The following ELMO1 variants were observed in gnomAD, a reference collection of about 807,000 sequenced individuals.
ELMO1 encodes the protein engulfment and cell motility protein 1.
A neutral mutation model predicts 98.9 loss-of-function variants in ELMO1; 26 were observed. The observed-to-expected ratio is 0.26, with a 90% CI of 0.19 to 0.36. The LOEUF is 0.36. Ranked by LOEUF, ELMO1 falls within the 10% of genes least tolerant of loss-of-function variation. ELMO1 has a pLI of 1.00. For missense variants in ELMO1, 627 were observed against 935.2 expected, an observed-to-expected ratio of 0.67 and a Z score of 4.30; for synonymous variants, 346 against 346.0, an observed-to-expected ratio of 1.00 and a Z score of 0.00.
chr7:36,997,084 G>C (rs1004223918), intron 16 of ELMO1, among the ~76,000 whole-genome samples: 2 of 151,974 alleles, frequency 1.3e-5, no homozygotes, highest in African/African-American at 4.8e-5. Context: ...GATTTAGGAA[G>C]ACCAATTAAA....
intron 1 of ELMO1, among the ~76,000 whole-genome samples, chr7:37,398,207 A>C (rs534228901): frequency 3.0e-4 from 46 of 152,304 alleles, no homozygotes; most frequent in African/African-American, 1.1e-3. Context: ...TACACATTTC[A>C]TTATGACTGT....
chr7:37,192,920 TTATA>T (rs202164965), intron 13 of ELMO1, among the ~76,000 whole-genome samples: 6,939 of 144,738 alleles, frequency 0.048, 231 homozygotes, highest in African/African-American at 0.078. Flanking sequence ...ATTTTATATA[TTATA>T]TATAATTTAT....
At chr7:36,959,602 G>C (rs1187709135) in intron 16 of ELMO1, among the ~76,000 whole-genome samples, 1 of 152,184 alleles carries the variant, frequency 6.6e-6, no homozygotes, top group Non-Finnish European at 1.5e-5. Flanking sequence ...TCCCTTGTCT[G>C]ACTGAGGGAA....
intron 8 of ELMO1, among the ~76,000 whole-genome samples, chr7:37,227,297 C>G: frequency 6.6e-6 from 1 of 152,342 alleles, no homozygotes; most frequent in East Asian, 1.9e-4. Flanking sequence ...AATTTACCCC[C>G]TGAATTAGTT....
At chr7:36,926,982 T>A (rs1474209036) in intron 16 of ELMO1, among the ~76,000 whole-genome samples, 1 of 152,218 alleles carries the variant, frequency 6.6e-6, no homozygotes, top group African/African-American at 2.4e-5. Context: ...ATGGGAATTG[T>A]CTCTTGGTGA....
intron 15 of ELMO1, among the ~76,000 whole-genome samples, chr7:37,072,897 T>G (rs766919598): frequency 6.6e-6 from 1 of 152,240 alleles, no homozygotes; most frequent in Non-Finnish European, 1.5e-5. Context: ...AGACAATACC[T>G]TGAACTCTCA....
chr7:37,366,028 G>A (rs1248708911), intron 1 of ELMO1, among the ~76,000 whole-genome samples: 5 of 152,182 alleles, frequency 3.3e-5, no homozygotes, highest in Admixed American at 2.6e-4. Context: ...CCACCAAGGA[G>A]GTTCCCAAGT....
intron 8 of ELMO1, among the ~76,000 whole-genome samples, chr7:37,227,612 C>T (rs1342556799): frequency 6.6e-6 from 1 of 152,154 alleles, no homozygotes; most frequent in African/African-American, 2.4e-5. Context: ...TATCGAACTC[C>T]TGACCTCAAG....
At chr7:37,234,460 T>C (rs760614362) in intron 7 of ELMO1, among the ~76,000 whole-genome samples, 34 of 152,164 alleles carry the variant, frequency 2.2e-4, no homozygotes, top group Non-Finnish European at 4.6e-4. Flanking sequence ...GAAGATGTAA[T>C]GCTAAATGGA....
intron 13 of ELMO1, among the ~76,000 whole-genome samples, chr7:37,167,011 T>A (rs1031047712): frequency 1.3e-5 from 2 of 152,088 alleles, no homozygotes; most frequent in African/African-American, 4.8e-5. Flanking sequence ...GCTTTATGAA[T>A]CTGGGTGCTC....
chr7:37,320,978 T>C (rs1187966862), intron 2 of ELMO1, among the ~76,000 whole-genome samples: 1 of 152,206 alleles, frequency 6.6e-6, no homozygotes, highest in Non-Finnish European at 1.5e-5. Context: ...ATGATTCATG[T>C]AGGAATTAGG....
In ELMO1 at chr7:37,133,173, T is replaced by C; in HGVS notation, c.1148A>G (p.Asn383Ser). Residue 383 changes from asparagine (N) to serine (S), a missense_variant, in exon 14 of 22, where the codon AAC becomes AGC. Transcript: ENST00000310758. ...GTGGTGCTTGGCAAAGTACAGCATG[T>C]TGTCCAGAGCCAACATCCCAGGTGG... ...QTPPGMLALD[N>S]MLYFAKHHQD... The C allele has an allele frequency of 6.2e-7, 1 of 1,613,172 alleles. No individual in the cohort carries two copies. Among genetic ancestry groups the C allele is most frequent in the Middle Eastern group, 1.7e-4 (1 of 6,058 alleles).
At chr7:37,198,734 AG>A (rs1792111239) in intron 13 of ELMO1, among the ~76,000 whole-genome samples, 1 of 152,238 alleles carries the variant, frequency 6.6e-6, no homozygotes, top group South Asian at 2.1e-4. Context: ...TTTGCTCCAA[AG>A]CGCCATGTGC....
chr7:37,054,174 A>T (rs934760845), intron 15 of ELMO1, among the ~76,000 whole-genome samples: 9 of 152,228 alleles, frequency 5.9e-5, no homozygotes, highest in African/African-American at 1.9e-4. Context: ...GACATAAAAA[A>T]TTTATTTTTG....
chr7:37,081,844 C>T (rs759409638), intron 15 of ELMO1, among the ~76,000 whole-genome samples: 10 of 152,044 alleles, frequency 6.6e-5, no homozygotes, highest in Non-Finnish European at 1.2e-4. Context: ...ATAATGAAAA[C>T]AATGAACCCT....
chr7:37,104,815 A>T (rs117172533), intron 14 of ELMO1, among the ~76,000 whole-genome samples: 3 of 152,326 alleles, frequency 2.0e-5, no homozygotes, highest in Non-Finnish European at 4.4e-5. Flanking sequence ...GAAAAGGAGA[A>T]AAAGAATGTA....
At chr7:37,351,857 T>C (rs954062476) in intron 1 of ELMO1, among the ~76,000 whole-genome samples, 4 of 152,224 alleles carry the variant, frequency 2.6e-5, no homozygotes, top group Admixed American at 6.5e-5. Context: ...TAGAGCTTCA[T>C]ATAGCTGCAA....
intron 17 of ELMO1, among the ~76,000 whole-genome samples, chr7:36,889,467 C>T (rs1211128104): frequency 1.3e-5 from 2 of 152,236 alleles, no homozygotes; most frequent in Non-Finnish European, 2.9e-5. Context: ...CTGCTCCCAA[C>T]TTCCAAGTCC....
At chr7:37,016,279 G>A (rs1398141035) in intron 15 of ELMO1, among the ~76,000 whole-genome samples, 1 of 152,046 alleles carries the variant, frequency 6.6e-6, no homozygotes, top group Non-Finnish European at 1.5e-5. Context: ...TAATTCGTTG[G>A]GTACATATGG....
Sources: allele counts gnomAD v4.1 joint callset (sites outside exome capture counted in the v4.1 genomes callset), GRCh38; gene constraint gnomAD v4.1.1; transcripts MANE v1.5; gene names NCBI Gene and HGNC (gene_info 2026-07-23, HGNC 2026-07-21).